The following MGAT5B variants were observed in gnomAD, a reference collection of about 807,000 sequenced individuals.
The protein encoded by MGAT5B is N-acetylglucosaminyl-transferase Vb.
MGAT5B carries 54 observed loss-of-function variants against 95.1 expected under a neutral mutation model. The ratio of observed to expected loss-of-function variants is 0.57; its 90% confidence interval spans 0.46 to 0.71. The LOEUF is 0.71. MGAT5B is among the 30% of genes least tolerant of loss of function. The pLI, the probability that MGAT5B is intolerant of heterozygous loss-of-function variation, is 0.00. For synonymous variants in MGAT5B, 464 were observed against 451.0 expected, an observed-to-expected ratio of 1.03 and a Z score of -0.36; for missense variants, 935 against 1,088.6, an observed-to-expected ratio of 0.86 and a Z score of 1.99.
chr17:76,906,390 C>T lies in MGAT5B; in HGVS notation c.1025+203C>T, dbSNP rs1051845489. Among the ~76,000 whole-genome samples the T allele has an allele frequency of 6.6e-6, 1 of 152,224 alleles. No homozygotes were observed. Among genetic ancestry groups the T allele is most frequent in the Non-Finnish European group, 1.5e-5 (1 of 68,034 alleles). ...TCCTGCCCGGTCTTGGGGGATGTGGCAGGGAAGTGTATTTGCATAGCGCTG... is the reference window on the plus strand; with the variant it reads ...TCCTGCCCGGTCTTGGGGGATGTGGTAGGGAAGTGTATTTGCATAGCGCTG... On this transcript the variant is annotated intron_variant, in intron 8 of 17. Transcript: ENST00000569840. This position sits in a 1 kb window ranked among gnomAD's most constrained non-coding sequence, Gnocchi z 4.6.
chr17:76,925,773 A>T (rs1319391608), intron 9 of MGAT5B, among the ~76,000 whole-genome samples: 2 of 152,120 alleles, frequency 1.3e-5, no homozygotes, highest in East Asian at 3.9e-4. Context: ...CTCTGCAGAC[A>T]ATTCTGGGTC....
At chr17:76,939,516 AT>A (rs1262441671) in intron 13 of MGAT5B, among the ~76,000 whole-genome samples, 2 of 150,704 alleles carry the variant, frequency 1.3e-5, no homozygotes, top group South Asian at 2.1e-4. Flanking sequence ...CCGTCTCAAA[AT>A]TTTTTTTCAA....
chr17:76,937,940 C>T (rs776349532), intron 12 of MGAT5B, 48 bp from the exon 13 acceptor site: 3 of 1,603,534 alleles, frequency 1.9e-6, no homozygotes, highest in Non-Finnish European at 2.6e-6. Flanking sequence ...TGGACTTTGC[C>T]TTCTGTGGTT....
chr17:76,940,698 C>G lies in MGAT5B; in HGVS notation c.1732-34C>G, dbSNP rs779608489. The G allele has an allele frequency of 6.2e-7, 1 of 1,607,926 alleles. No individual in the cohort carries two copies. The highest frequency in any genetic ancestry group is 8.5e-7 in the Non-Finnish European group (1 of 1,175,018). ...TTTGTCCCTGTCCCACTGGCAGGCA[C>G]GGGGGGCATCTGCAATCTCTGTACC... On this transcript the variant is annotated intron_variant, in intron 14 of 17. Transcript: ENST00000569840. This position sits in a 1 kb window ranked among gnomAD's most constrained non-coding sequence, Gnocchi z 4.3.
Position 76,905,363 on chromosome 17 carries a change from G to A in MGAT5B, c.855+30G>A, listed in dbSNP as rs894730124. ...GTGGCCCCTGCCCCCTCATGTGCAGGAGCTGAGAAAGCTCAGGGCCCCCAC... is the reference window on the plus strand; with the variant it reads ...GTGGCCCCTGCCCCCTCATGTGCAGAAGCTGAGAAAGCTCAGGGCCCCCAC... On this transcript the variant is annotated intron_variant, in intron 7 of 17. Coordinates refer to ENST00000569840, the MANE Select transcript of MGAT5B (RefSeq NM_001199172.2). The surrounding 1 kb of genome is among the most constrained non-coding windows in gnomAD (Gnocchi z 4.2). The A allele has an allele frequency of 1.8e-5, 28 of 1,544,650 alleles. 1 individual carries two copies. In the East Asian group the frequency reaches 1.8e-4, roughly 10 times the overall value.
chr17:76,888,538 G>A (rs1218374161), intron 3 of MGAT5B, among the ~76,000 whole-genome samples: 1 of 152,154 alleles, frequency 6.6e-6, no homozygotes, highest in Middle Eastern at 3.2e-3. Flanking sequence ...GCGGCGGGGA[G>A]ATCAATATCC....
rs374274490 is a variant in MGAT5B, at chr17:76,872,829, C to A, written c.69-22C>A. On this transcript the variant is annotated intron_variant, in intron 1 of 17. Coordinates refer to ENST00000569840, the MANE Select transcript of MGAT5B (RefSeq NM_001199172.2). ...ACGATGGCCCTTCCTGCCCTCCTGA[C>A]CCGCCTCCTTCCTCTCCGCAGGCTT... 9.9e-6 allele frequency: 16 copies of A among 1,614,118 alleles called. No homozygotes were observed. Among genetic ancestry groups the A allele is most frequent in the Non-Finnish European group, 1.3e-5 (15 of 1,180,048 alleles).
intron 10 of MGAT5B, among the ~76,000 whole-genome samples, chr17:76,929,008 G>A (rs1312804742): frequency 6.6e-6 from 1 of 152,016 alleles, no homozygotes; most frequent in East Asian, 1.9e-4. Context: ...TGGGACCACA[G>A]GCACACGTCA....
At chr17:76,874,993 A>G (rs981818652) in intron 2 of MGAT5B, among the ~76,000 whole-genome samples, 3 of 152,110 alleles carry the variant, frequency 2.0e-5, no homozygotes, top group African/African-American at 7.2e-5. Flanking sequence ...AAACTTTTTA[A>G]TGGGGTATCA....
chr17:76,937,113 G>C (rs1452555515), intron 12 of MGAT5B, among the ~76,000 whole-genome samples: 1 of 151,808 alleles, frequency 6.6e-6, no homozygotes, highest in Non-Finnish European at 1.5e-5. Context: ...TTTACTCTTG[G>C]CTTATAGCTG....
rs879259100 is a variant in MGAT5B, at chr17:76,942,009, G to A, written c.1848+1161G>A. Among the ~76,000 whole-genome samples the A allele has an allele frequency of 3.9e-5, 6 of 152,180 alleles. No individual in the cohort carries two copies. The East Asian group carries it at 7.7e-4, about 20-fold the overall frequency. ...TTTTGGCCTGCACACAGATGGGCTC[G>A]GCAGGCCAGAGACAGCCTTGAGGTG... On this transcript the variant is annotated intron_variant, in intron 15 of 17. Coordinates refer to ENST00000569840, the MANE Select transcript of MGAT5B (RefSeq NM_001199172.2).
chr17:76,913,556 T>G, intron 8 of MGAT5B: 2 of 381,922 alleles, frequency 5.2e-6, no homozygotes, highest in South Asian at 1.9e-5. Context: ...GGAGACAGGG[T>G]CTTGGCCGTT....
rs1969838220 is a variant in MGAT5B, at chr17:76,940,717, CTG to C, written c.1732-13_1732-12del. On this transcript the variant is annotated splice_polypyrimidine_tract_variant and intron_variant, in intron 14 of 17. Transcript: ENST00000569840. The surrounding 1 kb of genome is among the most constrained non-coding windows in gnomAD (Gnocchi z 4.3). ...CAGGCACGGGGGGCATCTGCAATCT[CTG>C]TACCCTTGCCAGGTGTTCTCCCAGC... 1 of 1,613,416 alleles carries C rather than the reference CTG, an allele frequency of 6.2e-7. No individual in the cohort carries two copies. The highest frequency in any genetic ancestry group is 1.7e-5 in the Admixed American group (1 of 59,996).
rs1966888772 is a variant in MGAT5B, at chr17:76,868,758, G to A, written c.-272G>A. The A allele has an allele frequency of 4.6e-6, 1 of 217,840 alleles. No homozygotes were observed. The highest frequency in any genetic ancestry group is 9.7e-5 in the East Asian group (1 of 10,306). The allele number at this position is 217,840 out of a possible 1,614,324, so 13.5% of individuals were successfully genotyped here. A position where few individuals can be genotyped will look rare whatever the true frequency, so the allele number is the denominator to read the frequency against. On this transcript the variant is annotated 5_prime_UTR_variant, in exon 1 of 18. Coordinates refer to ENST00000569840, the MANE Select transcript of MGAT5B (RefSeq NM_001199172.2). The surrounding 1 kb of genome is among the most constrained non-coding windows in gnomAD (Gnocchi z 6.3). ...GACGCGCGGCCGGCGGTCTGGGGGCGCGCCGCCTCCCGGTCCCCAAAATGT... is the reference window on the plus strand; with the variant it reads ...GACGCGCGGCCGGCGGTCTGGGGGCACGCCGCCTCCCGGTCCCCAAAATGT...
chr17:76,897,598 G>T (rs1968109541), intron 3 of MGAT5B, among the ~76,000 whole-genome samples: 1 of 152,034 alleles, frequency 6.6e-6, no homozygotes, highest in Non-Finnish European at 1.5e-5. Flanking sequence ...GGGTCAGCCT[G>T]ATCCAATATG....
intron 3 of MGAT5B, 40 bp from the exon 4 acceptor site, chr17:76,902,515 C>G: frequency 6.7e-7 from 1 of 1,485,290 alleles, no homozygotes; most frequent in Non-Finnish European, 9.2e-7. Context: ...AAGGTCACCC[C>G]GGCCGGTTCT....
intron 12 of MGAT5B, among the ~76,000 whole-genome samples, chr17:76,933,958 G>A (rs1969576560): frequency 6.6e-6 from 1 of 152,054 alleles, no homozygotes; most frequent in African/African-American, 2.4e-5. Flanking sequence ...GAGAAGGAAG[G>A]AGCAGAGCGG....
intron 16 of MGAT5B, 108 bp downstream of exon 16, chr17:76,946,558 C>A: frequency 1.1e-6 from 1 of 904,216 alleles, no homozygotes; most frequent in Middle Eastern, 2.5e-4. Flanking sequence ...CCATCCAACT[C>A]CCTGCTCCCT....
chr17:76,896,039 G>A (rs899183626), intron 3 of MGAT5B, among the ~76,000 whole-genome samples: 1 of 151,930 alleles, frequency 6.6e-6, no homozygotes, highest in Admixed American at 6.6e-5. Context: ...CAAGGCCCTG[G>A]GTTCCCCACA....
Sources: allele counts gnomAD v4.1 joint callset (sites outside exome capture counted in the v4.1 genomes callset), GRCh38; gene constraint gnomAD v4.1.1; non-coding constraint Gnocchi (gnomAD v3.1); transcripts MANE v1.5; gene names NCBI Gene and HGNC (gene_info 2026-07-23, HGNC 2026-07-21).